CD96: variants seen among roughly 807,000 people sequenced by gnomAD.
CD96 encodes the protein T-cell surface protein tactile.
In CD96, 70 loss-of-function variants were observed where a neutral mutation model predicts 71.3. The ratio of observed to expected loss-of-function variants is 0.98; its 90% CI spans 0.81 to 1.20. The LOEUF is 1.20. CD96 is among the 50% of genes most tolerant of loss of function. CD96 has a pLI of 0.00. For missense variants in CD96, 742 were observed against 677.5 expected (o/e 1.10, Z -1.06); for synonymous variants, 248 against 233.0 (o/e 1.06, Z -0.59).
At chr3:111,645,278 C>A (rs1434219422) in intron 12 of CD96, among the ~76,000 whole-genome samples, 3 of 152,064 alleles carry the variant, frequency 2.0e-5, no homozygotes, top group Non-Finnish European at 4.4e-5. Flanking sequence ...GAATGAAAAA[C>A]CAAACATCAT....
At position 111,652,346 on chromosome 3, in the gene CD96, CTT is replaced by C. The variant is rs1300938647; in HGVS notation, c.*2541_*2542del. On this transcript the variant is annotated 3_prime_UTR_variant, in exon 14 of 14. Coordinates refer to ENST00000352690, the MANE Select transcript of CD96 (RefSeq NM_005816.5). ...GTATGGCTATTTGTATTTAACAAGA[CTT>C]AATCATCAGTAATTTGTATACAAAG... 1.3e-5 allele frequency: 2 copies of C among 151,950 alleles called. No individual in the cohort carries two copies. The highest frequency in any genetic ancestry group is 2.9e-5 in the Non-Finnish European group (2 of 68,006). The allele number at this position is 151,950 out of a possible 1,614,324, so 9.4% of individuals were successfully genotyped here. A position where few individuals can be genotyped will look rare whatever the true frequency, so the allele number is the denominator to read the frequency against.
intron 10 of CD96, among the ~76,000 whole-genome samples, chr3:111,632,037 A>G (rs1033509578): frequency 2.6e-5 from 4 of 152,198 alleles, no homozygotes; most frequent in African/African-American, 9.6e-5. Context: ...AAGCTAGGCT[A>G]TACCATTCAG....
Position 111,649,747 on chromosome 3 carries a change from A to G in CD96, c.1651A>G (p.Thr551Ala). 1.2e-6 allele frequency: 2 copies of G among 1,614,116 alleles called. No individual in the cohort carries two copies. The highest frequency in any genetic ancestry group is 2.2e-5 in the East Asian group (1 of 44,884). The change falls in exon 14 of 14, where the codon ACT becomes GCT. Residue 551 changes from threonine to alanine, a missense_variant. Thr to Ala is a moderately conservative substitution (Grantham distance 58). Coordinates refer to ENST00000352690, the MANE Select transcript of CD96 (RefSeq NM_005816.5). ...GCCACCACCACCTCCCATCAAGTAC[A>G]CTTGCATTCAAGAGCCCAACGAAAG... ...FKPPPPPIKY[T>A]CIQEPNESDL...
intron 14 of CD96, among the ~76,000 whole-genome samples, chr3:111,663,008 A>G (rs1940393272): frequency 6.6e-6 from 1 of 152,220 alleles, no homozygotes; most frequent in Non-Finnish European, 1.5e-5. Context: ...TTTATGGAGA[A>G]AAGAGGTTTA....
rs1051519398 is a variant in CD96 at position 111,600,751 on chromosome 3, A to G, written c.924A>G (p.Arg308=). ...KEGIYITNEE[R]KGKDGFLELK... ...GAATATATATTACTAATGAAGAGAG[A>G]AAAGGCAAAGATGGATTTTTGGAAC... The change falls in exon 7 of 14, where the codon AGA becomes AGG. Residue 308 remains arginine (R), a synonymous_variant. Coordinates refer to ENST00000352690, the MANE Select transcript of CD96 (RefSeq NM_005816.5). 3.7e-6 allele frequency: 6 copies of G among 1,612,912 alleles called. No individual in the cohort carries two copies. In the African/African-American group the frequency reaches 5.3e-5, roughly 14 times the overall value.
At chr3:111,590,625 A>G (rs907799486) in intron 5 of CD96, among the ~76,000 whole-genome samples, 7 of 152,260 alleles carry the variant, frequency 4.6e-5, no homozygotes, top group African/African-American at 1.7e-4. Context: ...ATGCATTCCC[A>G]AAGTCAAGAT....
At chr3:111,609,554 T>C (rs374986789) in intron 8 of CD96, among the ~76,000 whole-genome samples, 1 of 152,314 alleles carries the variant, frequency 6.6e-6, no homozygotes, top group African/African-American at 2.4e-5. Flanking sequence ...ACTAAGTGCT[T>C]ATATCAGTGC....
At chr3:111,606,185 CATGTT>C (rs1937619451) in intron 7 of CD96, among the ~76,000 whole-genome samples, 1 of 152,132 alleles carries the variant, frequency 6.6e-6, no homozygotes, top group African/African-American at 2.4e-5. Flanking sequence ...CAAAAGTTGT[CATGTT>C]AGAAAGCAGA....
chr3:111,574,249 C>T (rs1204455124), intron 3 of CD96, among the ~76,000 whole-genome samples: 1 of 152,174 alleles, frequency 6.6e-6, no homozygotes, highest in Non-Finnish European at 1.5e-5. Context: ...GGAGGTTGAA[C>T]ATCCCAAGTC....
chr3:111,582,482 C>T (rs1936511164), intron 4 of CD96, among the ~76,000 whole-genome samples: 1 of 152,162 alleles, frequency 6.6e-6, no homozygotes, highest in South Asian at 2.1e-4. Flanking sequence ...CCTGATATTT[C>T]CTAGTGCCAA....
chr3:111,548,502 C>T (rs1210890910), intron 2 of CD96, among the ~76,000 whole-genome samples: 2 of 152,158 alleles, frequency 1.3e-5, no homozygotes, highest in African/African-American at 4.8e-5. Flanking sequence ...AAATGCAGTT[C>T]TCTGAGTTAA....
intron 7 of CD96, among the ~76,000 whole-genome samples, chr3:111,602,348 G>C (rs1218231752): frequency 4.6e-5 from 7 of 152,002 alleles, no homozygotes. Flanking sequence ...TTAGGTAATA[G>C]GAAGAACACT....
chr3:111,645,793 T>TC (rs1939801546), intron 12 of CD96, among the ~76,000 whole-genome samples: 1 of 152,116 alleles, frequency 6.6e-6, no homozygotes, highest in Non-Finnish European at 1.5e-5. Flanking sequence ...ACCCTCAGTT[T>TC]CTACTTTGAC....
chr3:111,585,868 G>A (rs972732174), intron 5 of CD96, among the ~76,000 whole-genome samples: 2 of 152,042 alleles, frequency 1.3e-5, no homozygotes, highest in African/African-American at 2.4e-5. Flanking sequence ...ATGAAGAAGG[G>A]CAGGAGAAAA....
chr3:111,599,960 A>G (rs1360669617), intron 6 of CD96, among the ~76,000 whole-genome samples: 1 of 152,248 alleles, frequency 6.6e-6, no homozygotes, highest in Non-Finnish European at 1.5e-5. Context: ...TTGGTTTTAC[A>G]TTAATTTTCT....
At chr3:111,614,027 A>G (rs888456224) in intron 8 of CD96, among the ~76,000 whole-genome samples, 1 of 152,212 alleles carries the variant, frequency 6.6e-6, no homozygotes, top group Non-Finnish European at 1.5e-5. Context: ...CAGACAGATT[A>G]TTTGGCTTTT....
At chr3:111,578,949 A>T in intron 3 of CD96, 78 bp from the exon 4 acceptor site, 1 of 789,440 alleles carries the variant, frequency 1.3e-6, no homozygotes, top group South Asian at 1.4e-5. Flanking sequence ...AAAGTAAATG[A>T]ATCAGTGCTT....
intron 12 of CD96, among the ~76,000 whole-genome samples, chr3:111,639,668 C>T (rs1182508559): frequency 6.6e-6 from 1 of 152,170 alleles, no homozygotes; most frequent in East Asian, 1.9e-4. Flanking sequence ...TGGCAGGAGG[C>T]CAACCAGCAC....
intron 5 of CD96, 130 bp downstream of exon 5, chr3:111,585,508 A>C: frequency 6.0e-6 from 4 of 667,872 alleles, no homozygotes; most frequent in South Asian, 4.7e-5. Context: ...GCTAATAGGG[A>C]TGAAGGGAAG....
Sources: gnomAD v4.1 joint callset for allele counts (sites outside exome capture counted in the v4.1 genomes callset) on GRCh38, gnomAD v4.1.1 for gene constraint, MANE v1.5 for transcripts, NCBI Gene and HGNC (gene_info 2026-07-23, HGNC 2026-07-21) for gene names.